The following SRGAP2 variants were observed in gnomAD, a reference collection of about 807,000 sequenced individuals.
SRGAP2 encodes SLIT-ROBO Rho GTPase activating protein 2.
SRGAP2 carries 15 observed loss-of-function variants against 57.2 expected under a neutral mutation model. The observed-to-expected ratio is 0.26, with a 90% CI of 0.18 to 0.40. The LOEUF is 0.40. Among genes scored for constraint, SRGAP2 ranks in the 10% least tolerant of loss-of-function variants. The pLI is 1.00. For missense variants in SRGAP2, 520 were observed against 669.6 expected (o/e 0.78, Z 2.47); for synonymous variants, 249 against 248.0 (o/e 1.00, Z -0.04).
intron 2 of SRGAP2, among the ~76,000 whole-genome samples, chr1:206,263,741 T>C (rs1234501787): frequency 1.3e-5 from 2 of 152,114 alleles, no homozygotes; most frequent in African/African-American, 4.8e-5. Flanking sequence ...AGAAGTCTCT[T>C]CTCTAATGGA....
chr1:206,382,374 T>TA (rs1298736486), intron 4 of SRGAP2, among the ~76,000 whole-genome samples: 4 of 151,738 alleles, frequency 2.6e-5, no homozygotes, highest in African/African-American at 9.7e-5. Context: ...TGGCATTTTT[T>TA]ATCACAAAAA....
chr1:206,454,449 G>A lies in SRGAP2; in HGVS notation c.2361-429G>A, dbSNP rs1553377541. 5.3e-5 allele frequency: 26 copies of A among 486,624 alleles called. No individual in the cohort carries two copies. In the East Asian group the frequency reaches 8.2e-4, roughly 15 times the overall value. 30.1% of individuals were successfully genotyped at this position (486,624 alleles called of 1,614,324 possible). On this transcript the variant is annotated intron_variant, in intron 20 of 22. Coordinates refer to ENST00000573034, the MANE Select transcript of SRGAP2 (RefSeq NM_015326.5). This position sits in a 1 kb window ranked among gnomAD's most constrained non-coding sequence, Gnocchi z 4.3. ...GTGTGTGGCGGTGTCCTGCCACGAC[G>A]CCGCCGTCTCCAGAGCCACCACACA...
rs1164276143 is a variant in SRGAP2, at chr1:206,390,794, A to C, written c.487-1895A>C. 3.1e-3 allele frequency among the ~76,000 whole-genome samples: 477 copies of C among 152,206 alleles called. 2 individuals are homozygous for C. The highest frequency in any genetic ancestry group is 0.011 in the African/African-American group (462 of 41,518). On this transcript the variant is annotated intron_variant, in intron 5 of 22. Coordinates refer to ENST00000573034, the MANE Select transcript of SRGAP2 (RefSeq NM_015326.5). ...TTGTTAAGTATTTTTTCTTCTGTAT[A>C]GAAAATATGAAGAGTATTATCCTGG...
At chr1:206,324,729 G>A (rs1312693544) in intron 3 of SRGAP2, among the ~76,000 whole-genome samples, 1 of 152,148 alleles carries the variant, frequency 6.6e-6, no homozygotes, top group Non-Finnish European at 1.5e-5. Context: ...TTCTCCCAGT[G>A]TTCTGTAGGA....
intron 2 of SRGAP2, among the ~76,000 whole-genome samples, chr1:206,292,192 G>C (rs1289729675): frequency 2.0e-5 from 3 of 152,128 alleles, no homozygotes; most frequent in Admixed American, 6.5e-5. Flanking sequence ...CAGTCCACTG[G>C]GGCAAGGAGG....
Position 206,302,541 on chromosome 1 carries a change from TA to T in SRGAP2, c.68-739del, listed in dbSNP as rs1386496823. ...CAACACAGATATGAGTGATATTTGT[TA>T]GTGAAAAAAATCTCTTTCCAAGTCT... On this transcript the variant is annotated intron_variant, in intron 2 of 22. Transcript: ENST00000573034. Among the ~76,000 whole-genome samples, 966 of 152,034 alleles carry T rather than the reference TA, an allele frequency of 6.4e-3. 7 individuals are homozygous for T. Among genetic ancestry groups the T allele is most frequent in the African/African-American group, 0.022 (907 of 41,474 alleles).
intron 22 of SRGAP2, among the ~76,000 whole-genome samples, chr1:206,460,830 A>G (rs1428956120): frequency 1.1e-3 from 1 of 888 alleles, no homozygotes; most frequent in Non-Finnish European, 2.7e-3. Flanking sequence ...TTCTAAAGGA[A>G]AAAAAAAAAT....
intron 2 of SRGAP2, among the ~76,000 whole-genome samples, chr1:206,265,947 C>T (rs781991583): frequency 6.6e-6 from 1 of 151,788 alleles, no homozygotes; most frequent in East Asian, 1.9e-4. Context: ...AATAGGTAAA[C>T]TCTCCTATTT....
intron 13 of SRGAP2, among the ~76,000 whole-genome samples, chr1:206,425,550 TTTGAGACAGGGTCTCGTTCTG>T (rs1660718154): frequency 6.6e-6 from 1 of 152,234 alleles, no homozygotes; most frequent in Non-Finnish European, 1.5e-5. Flanking sequence ...TGTTTTGTTT[TTTGAGACAGGGTCTCGTTCTG>T]TTGCGCAGGC....
chr1:206,275,029 G>T, intron 2 of SRGAP2, among the ~76,000 whole-genome samples: 1 of 108,548 alleles, frequency 9.2e-6, no homozygotes, highest in South Asian at 4.0e-4. Context: ...CTCTGACCAA[G>T]TATTTTTTGT....
intron 13 of SRGAP2, among the ~76,000 whole-genome samples, chr1:206,422,874 T>C (rs1660438949): frequency 6.6e-6 from 1 of 152,232 alleles, no homozygotes; most frequent in Non-Finnish European, 1.5e-5. Context: ...AAGACCTTGT[T>C]TTCATTCTGC....
At chr1:206,347,260 AAAAAAAACAAC>A (rs1239087259) in intron 4 of SRGAP2, among the ~76,000 whole-genome samples, 3 of 152,042 alleles carry the variant, frequency 2.0e-5, no homozygotes, top group Non-Finnish European at 2.9e-5. Flanking sequence ...TGTTTAAAAA[AAAAAAAACAAC>A]AAAAAAACAA....
chr1:206,455,017 A>T lies in SRGAP2; in HGVS notation c.2500A>T (p.Ile834Phe). The change falls in exon 21 of 23, where the codon ATC (isoleucine) becomes TTC (phenylalanine). Residue 834 changes from isoleucine (I) to phenylalanine (F), a missense_variant. By Grantham distance (21) the Ile-to-Phe change is conservative. Coordinates refer to ENST00000573034, the MANE Select transcript of SRGAP2 (RefSeq NM_015326.5). ...TGTAGCCGATATTTATCTTGCAAAC[A>T]TCAACAAGTAAGCTCTGCTTTTCAT... The part of the protein sequence containing the change: ...GHVADIYLAN[I>F]NKQRKRPESG... 2.6e-6 allele frequency: 2 copies of T among 780,910 alleles called. No homozygotes were observed. The highest frequency in any genetic ancestry group is 2.4e-6 in the Non-Finnish European group (1 of 417,990). The allele number at this position is 780,910 out of a possible 1,614,324, so 48.4% of individuals were successfully genotyped here. A position where few individuals can be genotyped will look rare whatever the true frequency, so the allele number is the denominator to read the frequency against.
At chr1:206,422,645 A>T (rs1386088646) in intron 13 of SRGAP2, among the ~76,000 whole-genome samples, 1 of 152,122 alleles carries the variant, frequency 6.6e-6, no homozygotes, top group African/African-American at 2.4e-5. Context: ...TAGCTGGAGC[A>T]TGTTTGCAAG....
chr1:206,330,161 T>C (rs1674257698), intron 3 of SRGAP2, among the ~76,000 whole-genome samples: 1 of 44,252 alleles, frequency 2.3e-5, no homozygotes, highest in African/African-American at 9.3e-5. Flanking sequence ...GAAGCCCACT[T>C]GATCATAGTG....
At chr1:206,227,346 A>G (rs1465228571) in intron 2 of SRGAP2, among the ~76,000 whole-genome samples, 38 of 152,352 alleles carry the variant, frequency 2.5e-4, no homozygotes, top group Middle Eastern at 3.4e-3. Flanking sequence ...TTTGAAAGGC[A>G]TATATGTGGG....
chr1:206,248,592 T>C (rs61815483), intron 2 of SRGAP2, among the ~76,000 whole-genome samples: 62,390 of 151,368 alleles, frequency 0.41, 13,230 homozygotes, highest in East Asian at 0.71. Context: ...TCATTCAAGA[T>C]TTTTGTGTCC....
chr1:206,419,486 A>G (rs2103239435), intron 12 of SRGAP2, 86 bp downstream of exon 12: 3 of 773,632 alleles, frequency 3.9e-6, no homozygotes, highest in East Asian at 4.9e-5. Context: ...CAAGGAGTTG[A>G]GTTGTAAAGG....
intron 4 of SRGAP2, among the ~76,000 whole-genome samples, chr1:206,363,914 A>G (rs1280204686): frequency 6.6e-6 from 1 of 152,162 alleles, no homozygotes. Context: ...GATACTATGT[A>G]AATATCCTAT....
Sources: allele counts gnomAD v4.1 joint callset (sites outside exome capture counted in the v4.1 genomes callset), GRCh38; gene constraint gnomAD v4.1.1; non-coding constraint Gnocchi (gnomAD v3.1); transcripts MANE v1.5; gene names NCBI Gene and HGNC (gene_info 2026-07-23, HGNC 2026-07-21).